Variants in AMTN observed in about 807,000 individuals in gnomAD.
AMTN encodes RSTI689.
In AMTN, 29 loss-of-function variants were observed where a neutral mutation model predicts 27.4. The observed-to-expected ratio is 1.06, with a 90% CI of 0.79 to 1.44. AMTN has a LOEUF of 1.44. AMTN is among the 40% of genes most tolerant of loss of function. The pLI is 0.00. For synonymous variants in AMTN, 86 were observed against 95.7 expected (o/e 0.90, Z 0.59); for missense variants, 247 against 248.8 (o/e 0.99, Z 0.05).
At chr4:70,532,359 C>T in intron 8 of AMTN, 96 bp from the exon 9 acceptor site, 3 of 978,286 alleles carry the variant, frequency 3.1e-6, no homozygotes, top group South Asian at 3.2e-5. Flanking sequence ...TATGGATGCT[C>T]CTAATCCTGC....
At chr4:70,530,453 A>G (rs1028517005) in intron 7 of AMTN, among the ~76,000 whole-genome samples, 1 of 152,194 alleles carries the variant, frequency 6.6e-6, no homozygotes, top group African/African-American at 2.4e-5. Context: ...AATGTAACAC[A>G]GTGTTTCCCA....
At chr4:70,518,887 G>T (rs1735880779) in intron 2 of AMTN, 56 bp downstream of exon 2, 13 of 1,390,274 alleles carry the variant, frequency 9.4e-6, no homozygotes, top group Non-Finnish European at 1.3e-5. Context: ...ATCTCTAGCT[G>T]CAGACCTACC....
intron 7 of AMTN, 137 bp from the exon 8 acceptor site, chr4:70,530,902 G>A: frequency 8.4e-7 from 1 of 1,195,908 alleles, no homozygotes; most frequent in Non-Finnish European, 1.2e-6. Context: ...TTTCCCCTGA[G>A]GAATGCCAGG....
intron 5 of AMTN, among the ~76,000 whole-genome samples, chr4:70,527,799 G>T (rs551664349): frequency 2.0e-5 from 3 of 152,304 alleles, no homozygotes; most frequent in South Asian, 4.1e-4. Context: ...AAGTAGCAGA[G>T]TATGGGAGAA....
rs1736209021 is a variant in AMTN at position 70,531,036 on chromosome 4, C to T, written c.358-3C>T. On this transcript the variant is annotated splice_region_variant and splice_polypyrimidine_tract_variant and intron_variant, in intron 7 of 8. Transcript: ENST00000339336. ...TGTTTTCTGTTTGCTTCCCTCATTC[C>T]AGCCACAAATCTTCACGAGCCTCAT... is the stretch of plus-strand genomic sequence containing the variant. 3 of 1,613,158 alleles carry T rather than the reference C, an allele frequency of 1.9e-6. No homozygotes were observed. In the African/African-American group the frequency reaches 4.0e-5, roughly 22 times the overall value.
chr4:70,521,840 G>C (rs1362710581), intron 2 of AMTN, among the ~76,000 whole-genome samples: 1 of 151,886 alleles, frequency 6.6e-6, no homozygotes, highest in Non-Finnish European at 1.5e-5. Context: ...GGCTGGTCCT[G>C]AACTCCTGAC....
intron 5 of AMTN, among the ~76,000 whole-genome samples, chr4:70,527,775 C>A (rs1473169769): frequency 6.6e-6 from 1 of 152,204 alleles, no homozygotes; most frequent in Non-Finnish European, 1.5e-5. Context: ...TGACAAACTT[C>A]TGGCCGGTTC....
chr4:70,532,347 G>T, intron 8 of AMTN, 108 bp from the exon 9 acceptor site: 1 of 817,914 alleles, frequency 1.2e-6, no homozygotes, highest in East Asian at 2.8e-5. Flanking sequence ...ACTAAAGAAT[G>T]ATATGGATGC....
intron 2 of AMTN, 70 bp downstream of exon 2, chr4:70,518,901 C>T: frequency 2.4e-6 from 3 of 1,232,214 alleles, no homozygotes; most frequent in Admixed American, 1.7e-5. Flanking sequence ...ACCTACCTCT[C>T]TCCTGCCCTC....
At chr4:70,518,925 C>A in intron 2 of AMTN, 94 bp downstream of exon 2, 1 of 1,016,658 alleles carries the variant, frequency 9.8e-7, no homozygotes. Flanking sequence ...CAAAACTGCT[C>A]TGTTTTGTGA....
At chr4:70,525,082 T>C in intron 5 of AMTN, 121 bp downstream of exon 5, 1 of 787,662 alleles carries the variant, frequency 1.3e-6, no homozygotes. Flanking sequence ...AACTGACGAA[T>C]GTTCTGCTGA....
At chr4:70,519,438 T>C (rs79669726) in intron 2 of AMTN, among the ~76,000 whole-genome samples, 1,630 of 152,226 alleles carry the variant, frequency 0.011, 23 homozygotes, top group African/African-American at 0.037. Context: ...TAGGTGGACT[T>C]CTCTTTGACT....
In AMTN at chr4:70,523,901, C is replaced by A. The variant is rs752376041; in HGVS notation, c.172C>A (p.Gln58Lys). ...TTCTTTAAGTCTGATACCATTAACA[C>A]AGATGCTCACACTGGGGCCAGATCT... Reference protein sequence around the residue: ...FPSLSLIPLTQMLTLGPDLHL... With the variant: ...FPSLSLIPLTKMLTLGPDLHL... Residue 58 changes from glutamine to lysine, a missense_variant, in exon 4 of 9, where the codon CAG becomes AAG. Physicochemically the swap from Gln to Lys is moderately conservative, Grantham distance 53. Transcript: ENST00000339336. 3 of 1,613,820 alleles carry A rather than the reference C, an allele frequency of 1.9e-6. No homozygotes were observed. The highest frequency in any genetic ancestry group is 2.5e-6 in the Non-Finnish European group (3 of 1,179,750).
At chr4:70,526,579 T>C (rs1392797391) in intron 5 of AMTN, among the ~76,000 whole-genome samples, 1 of 152,136 alleles carries the variant, frequency 6.6e-6, no homozygotes, top group Non-Finnish European at 1.5e-5. Context: ...CTGTAAAAGA[T>C]TTAAGATGCA....
At chr4:70,522,170 T>C (rs1248535378) in intron 2 of AMTN, among the ~76,000 whole-genome samples, 1 of 151,882 alleles carries the variant, frequency 6.6e-6, no homozygotes, top group Non-Finnish European at 1.5e-5. Context: ...TTGGGCAAGT[T>C]ACTGTAAGCA....
At chr4:70,529,611 A>T (rs1404619407) in intron 7 of AMTN, among the ~76,000 whole-genome samples, 2 of 152,182 alleles carry the variant, frequency 1.3e-5, no homozygotes, top group Non-Finnish European at 2.9e-5. Context: ...TTTATGGAAA[A>T]ATATATCTTT....
intron 5 of AMTN, among the ~76,000 whole-genome samples, chr4:70,525,687 G>A (rs772704947): frequency 6.6e-6 from 1 of 152,272 alleles, no homozygotes; most frequent in Non-Finnish European, 1.5e-5. Flanking sequence ...CTTGAGCCCA[G>A]GCATTTGAGA....
At chr4:70,529,294 A>C (rs1736165533) in intron 7 of AMTN, 84 bp downstream of exon 7, 1 of 1,003,196 alleles carries the variant, frequency 1.0e-6, no homozygotes, top group Non-Finnish European at 1.4e-6. Flanking sequence ...TTTTGACCAT[A>C]AATCCTAAAT....
At chr4:70,520,040 T>A (rs1191736235) in intron 2 of AMTN, among the ~76,000 whole-genome samples, 1 of 150,182 alleles carries the variant, frequency 6.7e-6, no homozygotes, top group Non-Finnish European at 1.5e-5. Context: ...GTTCTTTCAC[T>A]TCGTCAAATA....
Sources: gnomAD v4.1 joint callset for allele counts (sites outside exome capture counted in the v4.1 genomes callset) on GRCh38, gnomAD v4.1.1 for gene constraint, MANE v1.5 for transcripts, NCBI Gene and HGNC (gene_info 2026-07-23, HGNC 2026-07-21) for gene names.